ST3GAL1: variants seen among roughly 807,000 people sequenced by gnomAD.
ST3GAL1 encodes the protein ST3 beta-galactoside alpha-2,3-sialyltransferase 1.
ST3GAL1 carries 16 observed loss-of-function variants against 34.1 expected under a neutral mutation model. The observed-to-expected ratio is 0.47, with a 90% CI of 0.32 to 0.71. ST3GAL1 has a LOEUF of 0.71. Among genes scored for constraint, ST3GAL1 ranks in the 30% least tolerant of loss-of-function variants. The pLI, the probability that ST3GAL1 is intolerant of heterozygous loss-of-function variation, is 0.04. For synonymous variants in ST3GAL1, 191 were observed against 184.7 expected (o/e 1.03, Z -0.28); for missense variants, 353 against 447.4 (o/e 0.79, Z 1.90).
intron 2 of ST3GAL1, among the ~76,000 whole-genome samples, chr8:133,509,031 G>C (rs1424987647): frequency 6.6e-6 from 1 of 152,130 alleles, no homozygotes; most frequent in Non-Finnish European, 1.5e-5. Flanking sequence ...TCTCAGGCTT[G>C]TCACAGTTCT....
chr8:133,519,761 C>A (rs894343867), intron 2 of ST3GAL1, among the ~76,000 whole-genome samples: 5 of 144,582 alleles, frequency 3.5e-5, no homozygotes, highest in African/African-American at 1.3e-4. Context: ...ACCTGGCCAA[C>A]ATAGTGAAAC....
chr8:133,498,696 G>A (rs1040808790), intron 3 of ST3GAL1, among the ~76,000 whole-genome samples: 8 of 152,230 alleles, frequency 5.3e-5, no homozygotes, highest in Non-Finnish European at 1.2e-4. Flanking sequence ...ATTGAGTCCT[G>A]CCTGCCGGGC....
At chr8:133,538,132 C>G (rs1818359394) in intron 2 of ST3GAL1, among the ~76,000 whole-genome samples, 2 of 152,188 alleles carry the variant, frequency 1.3e-5, no homozygotes, top group African/African-American at 4.8e-5. Flanking sequence ...AAACAGCAGG[C>G]CAGACTAAGT....
intron 5 of ST3GAL1, among the ~76,000 whole-genome samples, chr8:133,468,296 T>C (rs564840934): frequency 6.6e-6 from 1 of 152,280 alleles, no homozygotes; most frequent in Non-Finnish European, 1.5e-5. Context: ...AAAAGAAAAT[T>C]TTGAAATAGG....
intron 2 of ST3GAL1, among the ~76,000 whole-genome samples, chr8:133,534,733 G>C (rs975020134): frequency 6.6e-6 from 1 of 152,216 alleles, no homozygotes; most frequent in African/African-American, 2.4e-5. Flanking sequence ...CATGTGTCCA[G>C]GCCAGTAGCA....
At position 133,461,725 on chromosome 8, in the gene ST3GAL1, C is replaced by T. The variant is rs1379076345; in HGVS notation, c.849+150G>A. On this transcript the variant is annotated intron_variant, in intron 9 of 9. Coordinates refer to ENST00000522652, the MANE Select transcript of ST3GAL1 (RefSeq NM_173344.3). This position sits in a 1 kb window ranked among gnomAD's most constrained non-coding sequence, Gnocchi z 4.7. Reference sequence around the variant, plus strand: ...ACTCACTAAAACACCCTGGGAGACACATGTTGCAAGTCCTGTCGTAGAGAC... The same window carrying T: ...ACTCACTAAAACACCCTGGGAGACATATGTTGCAAGTCCTGTCGTAGAGAC... 3 of 1,104,142 alleles carry T rather than the reference C, an allele frequency of 2.7e-6. No homozygotes were observed. The highest frequency in any genetic ancestry group is 3.1e-5 in the African/African-American group (2 of 64,252). The allele number at this position is 1,104,142 out of a possible 1,614,324, so 68.4% of individuals were successfully genotyped here.
At position 133,529,515 on chromosome 8, in the gene ST3GAL1, C is replaced by T. The variant is rs971320444; in HGVS notation, c.-429+16259G>A. Among the ~76,000 whole-genome samples, 17 of 152,234 alleles carry T rather than the reference C, an allele frequency of 1.1e-4. No homozygotes were observed. In the South Asian group the frequency reaches 2.1e-3, roughly 19 times the overall value. On this transcript the variant is annotated intron_variant, in intron 2 of 9. Coordinates refer to ENST00000522652, the MANE Select transcript of ST3GAL1 (RefSeq NM_173344.3). ...CCCACCTGAAGGTGAGGACGCCAGG[C>T]GAGAGCTAACATGGAATATCAAGGG...
rs1236247420 is a variant in ST3GAL1, at chr8:133,562,839, TTC to T, written c.-582+8852_-582+8853del. Reference sequence around the variant, plus strand: ...CTTCCTTCCTTCCTTCCTTCCTTCCTTCCTTTCTTTCTTTTTTTTTTTTTTTT... The same window carrying T: ...CTTCCTTCCTTCCTTCCTTCCTTCCTCTTTCTTTCTTTTTTTTTTTTTTTT... On this transcript the variant is annotated intron_variant, in intron 1 of 9. Coordinates refer to ENST00000522652, the MANE Select transcript of ST3GAL1 (RefSeq NM_173344.3). 7.3e-3 allele frequency among the ~76,000 whole-genome samples: 797 copies of T among 109,756 alleles called. 11 individuals carry two copies. The highest frequency in any genetic ancestry group is 0.024 in the African/African-American group (644 of 27,326). The allele number at this position is 109,756 out of a possible 152,430, so 72.0% of individuals were successfully genotyped here. A position where few individuals can be genotyped will look rare whatever the true frequency, so the allele number is the denominator to read the frequency against.
chr8:133,523,808 T>C (rs1586639922), intron 2 of ST3GAL1, among the ~76,000 whole-genome samples: 3 of 152,308 alleles, frequency 2.0e-5, no homozygotes, highest in Admixed American at 2.0e-4. Context: ...TCTCTCGAAG[T>C]GGGAGTGTAT....
chr8:133,520,773 GTTT>G (rs34241731), intron 2 of ST3GAL1, among the ~76,000 whole-genome samples: 18,533 of 130,864 alleles, frequency 0.14, 1,163 homozygotes, highest in South Asian at 0.18. Context: ...TTTTTTGTGG[GTTT>G]TTTTTTTTTT....
chr8:133,557,104 G>A (rs1382150030), intron 1 of ST3GAL1, among the ~76,000 whole-genome samples: 1 of 152,186 alleles, frequency 6.6e-6, no homozygotes, highest in Non-Finnish European at 1.5e-5. Flanking sequence ...GCACTAGCAA[G>A]CTCAAAGCCT....
intron 2 of ST3GAL1, among the ~76,000 whole-genome samples, chr8:133,529,166 C>T (rs1428772388): frequency 6.6e-6 from 1 of 152,214 alleles, no homozygotes; most frequent in Non-Finnish European, 1.5e-5. Context: ...TGGGTCCTCC[C>T]ACCAATGGGA....
intron 1 of ST3GAL1, among the ~76,000 whole-genome samples, chr8:133,549,004 T>C (rs1279807034): frequency 1.3e-5 from 2 of 152,258 alleles, no homozygotes; most frequent in Admixed American, 6.5e-5. Context: ...GGGCCTTATG[T>C]ATGTTACATC....
intron 7 of ST3GAL1, among the ~76,000 whole-genome samples, 187 bp from the exon 8 acceptor site, chr8:133,463,646 A>G (rs955173325): frequency 2.6e-5 from 4 of 152,018 alleles, no homozygotes; most frequent in Non-Finnish European, 5.9e-5. Flanking sequence ...GCCCCAATAG[A>G]CACCAGAGGA....
chr8:133,544,910 T>G (rs1338005130), intron 2 of ST3GAL1, among the ~76,000 whole-genome samples: 1 of 152,192 alleles, frequency 6.6e-6, no homozygotes, highest in Non-Finnish European at 1.5e-5. Flanking sequence ...GCCTTCCTTC[T>G]TCTTCTGCAG....
chr8:133,487,129 C>T (rs1816633031), intron 3 of ST3GAL1, among the ~76,000 whole-genome samples: 2 of 152,000 alleles, frequency 1.3e-5, no homozygotes, highest in Non-Finnish European at 2.9e-5. Context: ...TTAGTAGGGA[C>T]GGGGTTTTAC....
intron 1 of ST3GAL1, among the ~76,000 whole-genome samples, chr8:133,559,332 A>G (rs1394135853): frequency 2.0e-5 from 3 of 152,192 alleles, no homozygotes; most frequent in Admixed American, 2.0e-4. Context: ...TCCAGGTCGC[A>G]GGGAGAAACA....
At chr8:133,460,980 C>T (rs1815476828) in intron 9 of ST3GAL1, among the ~76,000 whole-genome samples, 1 of 152,022 alleles carries the variant, frequency 6.6e-6, no homozygotes, top group African/African-American at 2.4e-5. Flanking sequence ...TGCTCCAGGG[C>T]AAGAACGTTA....
In ST3GAL1 at chr8:133,550,989, A is replaced by G. The variant is rs550544857; in HGVS notation, c.-581-5063T>C. On this transcript the variant is annotated intron_variant, in intron 1 of 9. Coordinates refer to ENST00000522652, the MANE Select transcript of ST3GAL1 (RefSeq NM_173344.3). The stretch of plus-strand genomic sequence containing the variant: ...AGGGCAAGTTTGCTTAATAAATCAT[A>G]GCTTTTCCTCTCCATGCAAACAATC... Among the ~76,000 whole-genome samples, 19 of 152,332 alleles carry G rather than the reference A, an allele frequency of 1.2e-4. No homozygotes were observed. The East Asian group carries it at 3.5e-3, about 28-fold the overall frequency.
Sources: gnomAD v4.1 joint callset for allele counts (sites outside exome capture counted in the v4.1 genomes callset) on GRCh38, gnomAD v4.1.1 for gene constraint, Gnocchi (gnomAD v3.1) non-coding constraint, MANE v1.5 for transcripts, NCBI Gene and HGNC (gene_info 2026-07-23, HGNC 2026-07-21) for gene names.